ARHGEF16: variants seen among roughly 807,000 people sequenced by gnomAD.
ARHGEF16 encodes the protein Rho guanine exchange factor (GEF) 16.
A neutral mutation model predicts 74.1 loss-of-function variants in ARHGEF16; 59 were observed. The observed-to-expected ratio is 0.80, with a 90% CI of 0.65 to 0.99. The LOEUF (loss-of-function observed/expected upper bound fraction) is 0.99, where lower values mean the gene tolerates loss of function less well. Among genes scored for constraint, ARHGEF16 ranks in the 50% least tolerant of loss-of-function variants. The probability of loss-of-function intolerance (pLI) is 0.00; values close to 1 mark genes in which losing one functional copy is unlikely to be tolerated. For missense variants in ARHGEF16, 948 were observed against 986.6 expected (o/e 0.96, Z 0.52); for synonymous variants, 415 against 412.6 (o/e 1.01, Z -0.07).
At chr1:3,465,173 AC>A (rs1463565934) in intron 2 of ARHGEF16, among the ~76,000 whole-genome samples, 1 of 152,244 alleles carries the variant, frequency 6.6e-6, no homozygotes, top group African/African-American at 2.4e-5. Context: ...GTCAGCAGAC[AC>A]TTCTGGGCAC....
At position 3,479,531 on chromosome 1, in the gene ARHGEF16, G is replaced by A. The variant is rs766885423; in HGVS notation, c.1829G>A (p.Arg610Gln). 15 of 1,612,452 alleles carry A rather than the reference G, an allele frequency of 9.3e-6. No individual in the cohort carries two copies. In the African/African-American group the frequency reaches 1.2e-4, roughly 13 times the overall value. The change falls in exon 13 of 15, where the codon CGG becomes CAG. Residue 610 changes from arginine to glutamine, a missense_variant. Physicochemically the swap from Arg to Gln is conservative, Grantham distance 43. Coordinates refer to ENST00000378378, the MANE Select transcript of ARHGEF16 (RefSeq NM_014448.4). ...CTGGTCCCCAGGAGTGACCGGGCACGGTGGATCGTGGCGCTCACACACAGT... is the reference window on the plus strand; with the variant it reads ...CTGGTCCCCAGGAGTGACCGGGCACAGTGGATCGTGGCGCTCACACACAGT... ...LSSDSASDRA[R>Q]WIVALTHSER...
intron 6 of ARHGEF16, among the ~76,000 whole-genome samples, chr1:3,470,143 G>A (rs1415815700): frequency 6.6e-6 from 1 of 151,904 alleles, no homozygotes; most frequent in Non-Finnish European, 1.5e-5. Context: ...TGGGGTGTCT[G>A]TGCATGGCTG....
chr1:3,463,506 C>T lies in ARHGEF16; in HGVS notation c.422C>T (p.Pro141Leu), dbSNP rs753171238. 1.1e-5 allele frequency: 16 copies of T among 1,494,244 alleles called. No homozygotes were observed. The South Asian group carries it at 2.1e-4, about 20-fold the overall frequency. The allele number at this position is 1,494,244 out of a possible 1,614,324, so 92.6% of individuals were successfully genotyped here. ...SLDDMDVDKD[P>L]GGMLRRNLRN... ...GATGACATGGACGTGGACAAGGACC[C>T]CGGGGGCATGCTGAGGCGGAACCTG... Residue 141 changes from proline to leucine, a missense_variant, in exon 2 of 15, where the codon CCC becomes CTC. Physicochemically the swap from Pro to Leu is moderately conservative, Grantham distance 98. Transcript: ENST00000378378.
chr1:3,478,976 T>C (rs1569883798), intron 12 of ARHGEF16, among the ~76,000 whole-genome samples: 1 of 138,510 alleles, frequency 7.2e-6, no homozygotes. Context: ...AGGAGAGCCC[T>C]GAGGCCCCGA....
intron 3 of ARHGEF16, among the ~76,000 whole-genome samples, 175 bp downstream of exon 3, chr1:3,466,368 T>G (rs1006422427): frequency 1.3e-5 from 2 of 152,094 alleles, no homozygotes; most frequent in Admixed American, 1.3e-4. Flanking sequence ...GTAGCCCTGA[T>G]GAGTCTAGAA....
At chr1:3,456,175 C>G (rs1639260451) in intron 1 of ARHGEF16, among the ~76,000 whole-genome samples, 1 of 152,200 alleles carries the variant, frequency 6.6e-6, no homozygotes, top group Non-Finnish European at 1.5e-5. Flanking sequence ...CGGGGGCCAT[C>G]TCTGACCCAC....
In ARHGEF16 at chr1:3,469,422, C is replaced by T. The variant is rs558565125; in HGVS notation, c.862-11C>T. ...CGTCACTGTGGGGCTCACCTAGGCC[C>T]CTCTCCACAGGCCATGTTCGAGATC... On this transcript the variant is annotated splice_polypyrimidine_tract_variant and intron_variant, in intron 5 of 14. Coordinates refer to ENST00000378378, the MANE Select transcript of ARHGEF16 (RefSeq NM_014448.4). 2 of 1,612,640 alleles carry T rather than the reference C, an allele frequency of 1.2e-6. No individual in the cohort carries two copies. The highest frequency in any genetic ancestry group is 2.2e-5 in the East Asian group (1 of 44,882).
At chr1:3,470,051 G>A (rs1349402010) in intron 6 of ARHGEF16, among the ~76,000 whole-genome samples, 1 of 152,220 alleles carries the variant, frequency 6.6e-6, no homozygotes, top group Non-Finnish European at 1.5e-5. Flanking sequence ...AGGTAGAGAG[G>A]CTGGACATGC....
At chr1:3,470,138 T>C (rs2100747459) in intron 6 of ARHGEF16, among the ~76,000 whole-genome samples, 1 of 143,558 alleles carries the variant, frequency 7.0e-6, no homozygotes, top group Admixed American at 6.9e-5. Flanking sequence ...TGGGGTGGGG[T>C]GTCTGTGCAT....
At chr1:3,465,957 G>A in intron 2 of ARHGEF16, 191 bp from the exon 3 acceptor site, 1 of 620,648 alleles carries the variant, frequency 1.6e-6, no homozygotes, top group South Asian at 1.9e-5. Context: ...CACGTGTCCT[G>A]CCTGCTCTGA....
intron 9 of ARHGEF16, 66 bp downstream of exon 9, chr1:3,474,848 C>T (rs887815182): frequency 1.4e-6 from 2 of 1,451,022 alleles, no homozygotes; most frequent in Non-Finnish European, 1.9e-6. Flanking sequence ...CACCCAACCC[C>T]ACCCTACCCG....
chr1:3,458,705 C>CAG (rs1253248556), intron 1 of ARHGEF16, among the ~76,000 whole-genome samples: 6 of 152,216 alleles, frequency 3.9e-5, no homozygotes, highest in African/African-American at 1.4e-4. Flanking sequence ...GCCTGAGAGA[C>CAG]AGAGGCCAGC....
At chr1:3,460,174 C>T (rs12145462) in intron 1 of ARHGEF16, among the ~76,000 whole-genome samples, 3,103 of 152,336 alleles carry the variant, frequency 0.02, 46 homozygotes, top group Middle Eastern at 0.078. Flanking sequence ...CCTGTGGGTG[C>T]GGCTGCCTCG....
chr1:3,463,513 C>A lies in ARHGEF16; in HGVS notation c.429C>A (p.Gly143=). The A allele has an allele frequency of 6.7e-7, 1 of 1,486,586 alleles. No individual in the cohort carries two copies. Among genetic ancestry groups the A allele is most frequent in the Non-Finnish European group, 9.0e-7 (1 of 1,115,454 alleles). The allele number at this position is 1,486,586 out of a possible 1,614,324, so 92.1% of individuals were successfully genotyped here. A position where few individuals can be genotyped will look rare whatever the true frequency, so the allele number is the denominator to read the frequency against. Residue 143 remains glycine, a synonymous_variant, in exon 2 of 15, where the codon GGC becomes GGA. Coordinates refer to ENST00000378378, the MANE Select transcript of ARHGEF16 (RefSeq NM_014448.4). ...DDMDVDKDPG[G]MLRRNLRNQS... is the part of the protein sequence containing the mutation. ...TGGACGTGGACAAGGACCCCGGGGG[C>A]ATGCTGAGGCGGAACCTGCGGAACC...
chr1:3,473,747 G>T (rs1373178799), intron 8 of ARHGEF16: 19 of 735,850 alleles, frequency 2.6e-5, no homozygotes, highest in Non-Finnish European at 4.1e-5. Flanking sequence ...GCCCTTGGCG[G>T]ATTTGTGTTC....
At chr1:3,474,646 G>A in intron 8 of ARHGEF16, 62 bp from the exon 9 acceptor site, 1 of 1,516,790 alleles carries the variant, frequency 6.6e-7, no homozygotes, top group Non-Finnish European at 9.2e-7. Context: ...TGGCGTTGGT[G>A]GGAGCCTCCA....
chr1:3,472,687 AG>A, intron 6 of ARHGEF16: 1 of 171,134 alleles, frequency 5.8e-6, no homozygotes, highest in Non-Finnish European at 1.2e-5. Context: ...GTGGAGGCCC[AG>A]TCGTTTTAGC....
chr1:3,477,457 G>A (rs1004327814), intron 10 of ARHGEF16, among the ~76,000 whole-genome samples: 6 of 147,184 alleles, frequency 4.1e-5, no homozygotes, highest in African/African-American at 1.3e-4. Context: ...GACGTGGAGC[G>A]TGGCCATCAC....
chr1:3,472,875 T>TCCCCCC, intron 6 of ARHGEF16: 1 of 295,600 alleles, frequency 3.4e-6, no homozygotes, highest in Non-Finnish European at 6.6e-6. Flanking sequence ...TCTGACCACT[T>TCCCCCC]CCCACCCGCC....
Sources: gnomAD v4.1 joint callset for allele counts (sites outside exome capture counted in the v4.1 genomes callset) on GRCh38, gnomAD v4.1.1 for gene constraint, MANE v1.5 for transcripts, NCBI Gene and HGNC (gene_info 2026-07-23, HGNC 2026-07-21) for gene names.